STK3: variants seen among roughly 807,000 people sequenced by gnomAD.
The protein encoded by STK3 is serine/threonine-protein kinase 3.
A neutral mutation model predicts 58.0 loss-of-function variants in STK3; 41 were observed. The ratio of observed to expected loss-of-function variants is 0.71; its 90% confidence interval spans 0.55 to 0.92. The LOEUF (loss-of-function observed/expected upper bound fraction) is 0.92. Among genes scored for constraint, STK3 ranks in the 40% least tolerant of loss-of-function variants. STK3 has a pLI of 0.00. For missense variants in STK3, 479 were observed against 602.7 expected, an observed-to-expected ratio of 0.79 and a Z score of 2.15; for synonymous variants, 170 against 191.0, an observed-to-expected ratio of 0.89 and a Z score of 0.91.
intron 4 of STK3, among the ~76,000 whole-genome samples, chr8:98,727,738 C>T (rs1827883381): frequency 6.6e-6 from 1 of 152,238 alleles, no homozygotes; most frequent in African/African-American, 2.4e-5. Context: ...GGAACATGCA[C>T]AGTCATTTTT....
chr8:98,823,926 AG>A (rs1835073930), intron 1 of STK3, among the ~76,000 whole-genome samples: 1 of 152,182 alleles, frequency 6.6e-6, no homozygotes, highest in Non-Finnish European at 1.5e-5. Flanking sequence ...CATTATTAGG[AG>A]ATAATAATCA....
chr8:98,419,205 A>T (rs938698089), intron 3 of STK3, among the ~76,000 whole-genome samples: 30 of 152,276 alleles, frequency 2.0e-4, no homozygotes, highest in African/African-American at 6.5e-4. Context: ...TACGAAAAAT[A>T]AAAAAATTAG....
chr8:98,466,132 T>A lies in STK3; in HGVS notation c.1318-10132A>T, dbSNP rs116144312. 4.8e-3 allele frequency among the ~76,000 whole-genome samples: 726 copies of A among 152,286 alleles called. 8 individuals are homozygous for A. The highest frequency in any genetic ancestry group is 0.016 in the African/African-American group (664 of 41,568). ...CACTTTGAATAGTTTAAAACACCAA[T>A]GAAGCCGTAAATAAGAGGTTAACAA... is the stretch of plus-strand genomic sequence containing the variant. On this transcript the variant is annotated intron_variant, in intron 10 of 10. Coordinates refer to ENST00000419617, the MANE Select transcript of STK3 (RefSeq NM_006281.4).
At chr8:98,925,186 G>T (rs753825507) in intron 1 of STK3, among the ~76,000 whole-genome samples, 23 of 152,156 alleles carry the variant, frequency 1.5e-4, no homozygotes, top group Non-Finnish European at 3.4e-4. Flanking sequence ...CTCTCTATGT[G>T]CAGGGCTGCC....
chr8:98,763,640 T>C (rs751645921), intron 3 of STK3, among the ~76,000 whole-genome samples: 1 of 152,146 alleles, frequency 6.6e-6, no homozygotes, highest in African/African-American at 2.4e-5. Context: ...AAATCTAAGT[T>C]TCTCCCTGTC....
intron 10 of STK3, among the ~76,000 whole-genome samples, chr8:98,479,182 C>T (rs1244874442): frequency 2.0e-5 from 3 of 152,086 alleles, no homozygotes; most frequent in Non-Finnish European, 4.4e-5. Context: ...GGAAACTTGA[C>T]AGGCAGTTAA....
chr8:98,537,870 A>G (rs1049162377), intron 9 of STK3, among the ~76,000 whole-genome samples: 4 of 152,168 alleles, frequency 2.6e-5, no homozygotes, highest in Non-Finnish European at 5.9e-5. Context: ...TGCATCCCCA[A>G]AACATTTACA....
intron 3 of STK3, among the ~76,000 whole-genome samples, chr8:98,749,917 G>T (rs980572242): frequency 2.0e-5 from 3 of 151,916 alleles, no homozygotes; most frequent in Non-Finnish European, 4.4e-5. Flanking sequence ...CTAAACTGAG[G>T]TCTTACGTCT....
In STK3 at chr8:98,401,914, G is replaced by A. The variant is rs748018894; in HGVS notation, n.484-401C>T. ...TACAGACGAGCAATTATTCTTGTGC[G>A]CATGCATTGTAAAAAAAATTCAAGG... On this transcript the variant is annotated intron_variant and non_coding_transcript_variant, in intron 3 of 3. Coordinates refer to the STK3 transcript ENST00000517832. Among the ~76,000 whole-genome samples the A allele has an allele frequency of 6.6e-5, 10 of 152,084 alleles. No homozygotes were observed. The East Asian group carries it at 7.7e-4, about 12-fold the overall frequency.
rs1349679239 is a variant in STK3, at chr8:98,811,625, C to T, written c.26+13890G>A. Among the ~76,000 whole-genome samples the T allele has an allele frequency of 4.1e-5, 6 of 145,830 alleles. No homozygotes were observed. In the East Asian group the frequency reaches 1.2e-3, roughly 29 times the overall value. On this transcript the variant is annotated intron_variant, in intron 1 of 10. Transcript: ENST00000419617. Reference sequence around the variant, plus strand: ...AAAAAAAAAAAATACATCTTTAAAACACATGAAAGGTTTTCATCCTTTAGT... The same window carrying T: ...AAAAAAAAAAAATACATCTTTAAAATACATGAAAGGTTTTCATCCTTTAGT...
At chr8:98,893,556 AAG>A (rs1294849768) in intron 1 of STK3, among the ~76,000 whole-genome samples, 7 of 150,876 alleles carry the variant, frequency 4.6e-5, no homozygotes, top group Non-Finnish European at 7.4e-5. Context: ...GAGAAAGAGA[AAG>A]AGAGAGGGAG....
At chr8:98,870,440 C>G (rs938973655) in intron 3 of STK3, among the ~76,000 whole-genome samples, 1 of 152,198 alleles carries the variant, frequency 6.6e-6, no homozygotes, top group Non-Finnish European at 1.5e-5. Flanking sequence ...AATGGTTGAA[C>G]TAGTTTACAC....
At chr8:98,453,077 CTTGT>C (rs1819273826), downstream of STK3, among the ~76,000 whole-genome samples, 1 of 65,424 alleles carries the variant, frequency 1.5e-5, no homozygotes, top group Non-Finnish European at 2.9e-5. Context: ...TGATTTCTTT[CTTGT>C]TTTTTTTTTT....
At chr8:98,389,902 G>GTCCA (rs1220161733), upstream of STK3, among the ~76,000 whole-genome samples, 2 of 151,908 alleles carry the variant, frequency 1.3e-5, no homozygotes, top group Non-Finnish European at 2.9e-5. Flanking sequence ...ACTATGAAGT[G>GTCCA]TCCATGAGAT....
chr8:98,457,424 T>C (rs537979772), intron 10 of STK3, among the ~76,000 whole-genome samples: 26 of 152,302 alleles, frequency 1.7e-4, no homozygotes, highest in African/African-American at 5.3e-4. Flanking sequence ...CCCAACTATG[T>C]CTATGTAGGA....
chr8:98,709,862 A>G (rs1269814251), intron 4 of STK3, among the ~76,000 whole-genome samples: 1 of 152,154 alleles, frequency 6.6e-6, no homozygotes, highest in Admixed American at 6.5e-5. Context: ...AAGCTTTTCC[A>G]CAAAGATCAG....
At chr8:98,662,122 A>T (rs1434939631) in intron 6 of STK3, among the ~76,000 whole-genome samples, 1 of 152,192 alleles carries the variant, frequency 6.6e-6, no homozygotes, top group East Asian at 1.9e-4. Context: ...GAATGAAAGG[A>T]TGAAGCAGGT....
chr8:98,514,999 TCCTCTATATAAAACTGATGATCAG>T (rs1234465126), intron 10 of STK3, among the ~76,000 whole-genome samples: 1 of 152,066 alleles, frequency 6.6e-6, no homozygotes, highest in Non-Finnish European at 1.5e-5. Context: ...TTCACCCTAA[TCCTCTATATAAAACTGATGATCAG>T]ATCCAGATGA....
At chr8:98,622,771 C>T (rs1394330440) in intron 6 of STK3, among the ~76,000 whole-genome samples, 1 of 152,142 alleles carries the variant, frequency 6.6e-6, no homozygotes, top group Admixed American at 6.5e-5. Flanking sequence ...TTTAGCTTAA[C>T]ATTAAGGTAG....
Sources: allele counts gnomAD v4.1 joint callset (sites outside exome capture counted in the v4.1 genomes callset), GRCh38; gene constraint gnomAD v4.1.1; transcripts MANE v1.5; gene names NCBI Gene and HGNC (gene_info 2026-07-23, HGNC 2026-07-21).